CCSER1: variants seen among roughly 807,000 people sequenced by gnomAD.
CCSER1 encodes the protein serine-rich coiled-coil domain-containing protein 1.
CCSER1 carries 41 observed loss-of-function variants against 82.0 expected under a neutral mutation model. That is an observed-to-expected ratio of 0.50 (90% CI 0.39 to 0.65). The LOEUF is 0.65. Ranked by LOEUF, CCSER1 falls within the 30% of genes least tolerant of loss-of-function variation. CCSER1 has a pLI of 0.00. For missense variants in CCSER1, 1,119 were observed against 1,064.2 expected, an observed-to-expected ratio of 1.05 and a Z score of -0.72; for synonymous variants, 414 against 383.9, an observed-to-expected ratio of 1.08 and a Z score of -0.92.
chr4:90,519,190 C>T (rs1772734735), intron 5 of CCSER1, among the ~76,000 whole-genome samples: 1 of 151,610 alleles, frequency 6.6e-6, no homozygotes. Context: ...TTCATTCTGC[C>T]TTCTATGTGC....
intron 10 of CCSER1, among the ~76,000 whole-genome samples, chr4:91,457,824 T>G (rs1461495294): frequency 6.6e-6 from 1 of 152,194 alleles, no homozygotes; most frequent in Non-Finnish European, 1.5e-5. Flanking sequence ...TCATCTAAAA[T>G]GTACTGATAT....
chr4:91,556,846 G>C (rs1762431001), intron 10 of CCSER1, among the ~76,000 whole-genome samples: 1 of 151,030 alleles, frequency 6.6e-6, no homozygotes, highest in South Asian at 2.1e-4. Context: ...TTGAATGTAA[G>C]AATTATATGA....
intron 1 of CCSER1, among the ~76,000 whole-genome samples, chr4:90,227,762 C>T (rs550068693): frequency 8.0e-4 from 122 of 152,278 alleles, no homozygotes; most frequent in Non-Finnish European, 1.4e-3. Context: ...TCAATGGGTG[C>T]GCGCACCATG....
chr4:90,612,361 C>CACTT (rs1290686505), intron 5 of CCSER1, among the ~76,000 whole-genome samples: 1 of 152,126 alleles, frequency 6.6e-6, no homozygotes, highest in Non-Finnish European at 1.5e-5. Context: ...TATATTTCAT[C>CACTT]ACTTAAAAGA....
chr4:91,277,536 T>C (rs1742570689), intron 10 of CCSER1, among the ~76,000 whole-genome samples: 1 of 151,114 alleles, frequency 6.6e-6, no homozygotes, highest in African/African-American at 2.4e-5. Flanking sequence ...CTTTTTTTTT[T>C]TTTTTTGGCT....
intron 10 of CCSER1, among the ~76,000 whole-genome samples, chr4:91,189,702 C>T (rs886613339): frequency 6.6e-6 from 1 of 151,504 alleles, no homozygotes; most frequent in Non-Finnish European, 1.5e-5. Flanking sequence ...TTGTTTCTTC[C>T]CAAAGGATTA....
intron 5 of CCSER1, among the ~76,000 whole-genome samples, chr4:90,625,181 C>G (rs944623210): frequency 6.6e-6 from 1 of 152,082 alleles, no homozygotes. Context: ...TCTTTTTCTC[C>G]CCTCACCAGC....
At chr4:90,693,312 C>T (rs1346572236) in intron 6 of CCSER1, 3 of 152,016 alleles carry the variant, frequency 2.0e-5, no homozygotes, top group South Asian at 2.1e-4. Context: ...TTTCCATTAA[C>T]AGATGTGAAA....
intron 5 of CCSER1, among the ~76,000 whole-genome samples, chr4:90,556,996 T>C (rs79939530): frequency 0.051 from 7,829 of 152,032 alleles, 416 homozygotes; most frequent in Admixed American, 0.18. Context: ...CTTGTTTTTT[T>C]GATATATAAT....
intron 10 of CCSER1, among the ~76,000 whole-genome samples, chr4:91,353,912 G>A (rs1304650845): frequency 1.3e-5 from 2 of 152,156 alleles, no homozygotes; most frequent in Non-Finnish European, 2.9e-5. Flanking sequence ...ATGGGTACAT[G>A]TGCCAGTTTT....
intron 6 of CCSER1, among the ~76,000 whole-genome samples, chr4:90,667,428 C>T (rs956361336): frequency 6.6e-6 from 1 of 151,986 alleles, no homozygotes; most frequent in African/African-American, 2.4e-5. Flanking sequence ...TGTGCCATGG[C>T]GGTTTGCTGC....
At chr4:90,401,882 A>G (rs1752926971) in intron 4 of CCSER1, among the ~76,000 whole-genome samples, 1 of 152,192 alleles carries the variant, frequency 6.6e-6, no homozygotes. Context: ...GATGGATTAG[A>G]TAGGGAATAC....
chr4:90,183,135 A>T (rs2153387206), intron 1 of CCSER1, among the ~76,000 whole-genome samples: 1 of 152,258 alleles, frequency 6.6e-6, no homozygotes, highest in Admixed American at 6.5e-5. Context: ...GGAAATATTT[A>T]AATGATGCCA....
At chr4:90,323,829 C>T (rs1235633746) in intron 3 of CCSER1, among the ~76,000 whole-genome samples, 1 of 152,140 alleles carries the variant, frequency 6.6e-6, no homozygotes, top group Admixed American at 6.5e-5. Context: ...CTCTTCCCAC[C>T]CCACAACAGT....
intron 10 of CCSER1, among the ~76,000 whole-genome samples, chr4:91,410,108 C>G (rs1223953363): frequency 6.6e-6 from 1 of 152,108 alleles, no homozygotes; most frequent in East Asian, 1.9e-4. Flanking sequence ...TCCTGGTTTT[C>G]TTTGTTTTTC....
chr4:91,168,875 G>C (rs1732454433), intron 10 of CCSER1, among the ~76,000 whole-genome samples: 1 of 152,084 alleles, frequency 6.6e-6, no homozygotes, highest in African/African-American at 2.4e-5. Flanking sequence ...TTCTGCCTTG[G>C]GATGCTGTTA....
At chr4:91,323,462 C>A (rs1022222290) in intron 10 of CCSER1, among the ~76,000 whole-genome samples, 3 of 152,012 alleles carry the variant, frequency 2.0e-5, no homozygotes, top group Non-Finnish European at 4.4e-5. Flanking sequence ...AAACATTAGT[C>A]TTTTTTCAAG....
At chr4:91,435,389 C>G (rs539211811) in intron 10 of CCSER1, among the ~76,000 whole-genome samples, 57 of 151,352 alleles carry the variant, frequency 3.8e-4, no homozygotes, top group Non-Finnish European at 7.1e-4. Flanking sequence ...TGCAGAGATT[C>G]GTGATCATGC....
At position 91,345,246 on chromosome 4, in the gene CCSER1, C is replaced by T. The variant is rs565992310; in HGVS notation, c.2218-253326C>T. ...GTCTCTACTAAAAATGCAAAATTAGCCAGGAGTGAGGGCGGGTGCTTCTCC... is the reference window on the plus strand; with the variant it reads ...GTCTCTACTAAAAATGCAAAATTAGTCAGGAGTGAGGGCGGGTGCTTCTCC... On this transcript the variant is annotated intron_variant, in intron 10 of 10. Transcript: ENST00000509176. 1.2e-4 allele frequency among the ~76,000 whole-genome samples: 19 copies of T among 152,086 alleles called. No homozygotes were observed. In the South Asian group the frequency reaches 3.7e-3, roughly 30 times the overall value.
Sources: allele counts gnomAD v4.1 joint callset (sites outside exome capture counted in the v4.1 genomes callset), GRCh38; gene constraint gnomAD v4.1.1; transcripts MANE v1.5; gene names NCBI Gene and HGNC (gene_info 2026-07-23, HGNC 2026-07-21).